The following PRLR variants were observed in gnomAD, a reference collection of about 807,000 sequenced individuals.
PRLR encodes the protein hPRL receptor.
In PRLR, 13 loss-of-function variants were observed where a neutral mutation model predicts 40.2. The ratio of observed to expected loss-of-function variants is 0.32; its 90% CI spans 0.21 to 0.51. The LOEUF is 0.51. Ranked by LOEUF, PRLR falls within the 20% of genes least tolerant of loss-of-function variation. The pLI, the probability that PRLR is intolerant of heterozygous loss-of-function variation, is 0.97. For synonymous variants in PRLR, 269 were observed against 278.7 expected, an observed-to-expected ratio of 0.97 and a Z score of 0.35; for missense variants, 656 against 747.3, an observed-to-expected ratio of 0.88 and a Z score of 1.42.
At chr5:35,207,967 A>G (rs544915694) in intron 1 of PRLR, among the ~76,000 whole-genome samples, 1 of 152,294 alleles carries the variant, frequency 6.6e-6, no homozygotes, top group East Asian at 1.9e-4. Flanking sequence ...CAATAAAACT[A>G]ATTAGATTAT....
chr5:35,131,866 T>C (rs1174606315), intron 1 of PRLR, among the ~76,000 whole-genome samples: 2 of 152,172 alleles, frequency 1.3e-5, no homozygotes, highest in African/African-American at 4.8e-5. Context: ...ACTGCTATGA[T>C]GTCTTGTTAT....
chr5:35,088,660 A>C (rs564943668), intron 3 of PRLR, among the ~76,000 whole-genome samples: 1 of 152,338 alleles, frequency 6.6e-6, no homozygotes, highest in Non-Finnish European at 1.5e-5. Context: ...ACAAGTTAAC[A>C]TTAATGGACT....
chr5:35,126,704 ATTGCTACCTT>A (rs1773481397), intron 1 of PRLR, among the ~76,000 whole-genome samples: 2 of 152,122 alleles, frequency 1.3e-5, no homozygotes, highest in Non-Finnish European at 2.9e-5. Flanking sequence ...GGAAATATCT[ATTGCTACCTT>A]TTGCTACCTT....
rs1768932977 is a variant in PRLR at position 35,059,948 on chromosome 5, T to G, written c.*5141A>C. The G allele has an allele frequency of 6.6e-6, 1 of 152,276 alleles. No individual in the cohort carries two copies. Among genetic ancestry groups the G allele is most frequent in the African/African-American group, 2.4e-5 (1 of 41,430 alleles). The allele number at this position is 152,276 out of a possible 1,614,324, so 9.4% of individuals were successfully genotyped here. On this transcript the variant is annotated 3_prime_UTR_variant, in exon 10 of 10. Coordinates refer to ENST00000618457, the MANE Select transcript of PRLR (RefSeq NM_000949.7). ...TCCTGGGCTCAAGCAATCCTCTGGC[T>G]TCACCTTCCCAAGTGTCTAGGACTA... is the stretch of plus-strand genomic sequence containing the variant.
At chr5:35,196,233 T>C (rs1018894095) in intron 1 of PRLR, among the ~76,000 whole-genome samples, 14 of 152,082 alleles carry the variant, frequency 9.2e-5, no homozygotes, top group African/African-American at 3.4e-4. Context: ...CTCAATCCTA[T>C]AGGCTGTGAA....
rs1228134325 is a variant in PRLR, at chr5:35,063,700, T to C, written c.*1389A>G. The C allele has an allele frequency of 6.6e-6, 1 of 152,244 alleles. No individual in the cohort carries two copies. Among genetic ancestry groups the C allele is most frequent in the Non-Finnish European group, 1.5e-5 (1 of 68,048 alleles). The allele number at this position is 152,244 out of a possible 1,614,324, so 9.4% of individuals were successfully genotyped here. A position where few individuals can be genotyped will look rare whatever the true frequency, so the allele number is the denominator to read the frequency against. On this transcript the variant is annotated 3_prime_UTR_variant, in exon 10 of 10. Transcript: ENST00000618457. ...CTAACTCCTGGCTTTGCTTAAAATT[T>C]TTTTGTGGCCCAAGATTTCTCACAA...
Position 35,191,048 on chromosome 5 carries a change from C to CTTTTT in PRLR, c.-106+39215_-106+39219dup, listed in dbSNP as rs869174221. On this transcript the variant is annotated intron_variant, in intron 1 of 9. Coordinates refer to ENST00000618457, the MANE Select transcript of PRLR (RefSeq NM_000949.7). ...ATCCAATTAACAGATGTGTTATTTTCTTTTTTTTTTTTTTTTTTTTTTTTT... is the reference window on the plus strand; with the variant it reads ...ATCCAATTAACAGATGTGTTATTTTCTTTTTTTTTTTTTTTTTTTTTTTTTTTTTT... Among the ~76,000 whole-genome samples, 71 of 68,164 alleles carry CTTTTT rather than the reference C, an allele frequency of 1.0e-3. 9 individuals carry two copies. The highest frequency in any genetic ancestry group is 3.6e-3 in the East Asian group (7 of 1,958). 44.7% of individuals were successfully genotyped at this position (68,164 alleles called of 152,430 possible). A position where few individuals can be genotyped will look rare whatever the true frequency, so the allele number is the denominator to read the frequency against.
intron 2 of PRLR, among the ~76,000 whole-genome samples, chr5:35,112,365 C>T (rs1023070700): frequency 3.9e-5 from 6 of 152,042 alleles, no homozygotes; most frequent in South Asian, 2.1e-4. Flanking sequence ...ATTAAAAAGG[C>T]GTTTAATAAA....
intron 1 of PRLR, among the ~76,000 whole-genome samples, chr5:35,177,812 C>T (rs930561637): frequency 4.6e-5 from 7 of 152,108 alleles, no homozygotes; most frequent in East Asian, 1.9e-4. Flanking sequence ...TTCAGTTTGG[C>T]GGATATATAG....
chr5:35,112,173 C>T (rs1247444476), intron 2 of PRLR, among the ~76,000 whole-genome samples: 1 of 152,208 alleles, frequency 6.6e-6, no homozygotes, highest in South Asian at 2.1e-4. Flanking sequence ...GCTTTTGATA[C>T]TCATGGCTTG....
At chr5:35,122,484 T>A (rs1393254372) in intron 1 of PRLR, among the ~76,000 whole-genome samples, 1 of 152,232 alleles carries the variant, frequency 6.6e-6, no homozygotes, top group Non-Finnish European at 1.5e-5. Context: ...CTCCCACTTA[T>A]AAGTGAGAAC....
chr5:35,089,335 G>C (rs1044402780), intron 3 of PRLR, among the ~76,000 whole-genome samples: 1 of 152,180 alleles, frequency 6.6e-6, no homozygotes, highest in Non-Finnish European at 1.5e-5. Context: ...CTGAAATGAG[G>C]ACAAAAGGCA....
chr5:35,205,081 G>A (rs1393273593), intron 1 of PRLR, among the ~76,000 whole-genome samples: 1 of 151,994 alleles, frequency 6.6e-6, no homozygotes, highest in East Asian at 1.9e-4. Context: ...CGGGAAACAT[G>A]TTATTTATTC....
intron 5 of PRLR, among the ~76,000 whole-genome samples, chr5:35,074,604 C>T (rs1184107511): frequency 3.3e-5 from 5 of 150,838 alleles, no homozygotes; most frequent in African/African-American, 1.2e-4. Flanking sequence ...TGAGAAGTAA[C>T]TGCTTAGTAG....
chr5:35,135,833 T>C (rs938677897), intron 1 of PRLR, among the ~76,000 whole-genome samples: 1 of 152,186 alleles, frequency 6.6e-6, no homozygotes, highest in Admixed American at 6.5e-5. Context: ...CTGGCCTTCC[T>C]CATCCCATGG....
chr5:35,077,708 T>C (rs368141078), intron 5 of PRLR, among the ~76,000 whole-genome samples: 2 of 152,136 alleles, frequency 1.3e-5, no homozygotes, highest in South Asian at 2.1e-4. Context: ...GCGGACCTAA[T>C]AGACATCTAC....
intron 1 of PRLR, among the ~76,000 whole-genome samples, chr5:35,227,711 C>A (rs185366472): frequency 6.6e-6 from 1 of 152,294 alleles, no homozygotes; most frequent in Non-Finnish European, 1.5e-5. Context: ...GGCACCAGGA[C>A]CCCATGGAGA....
chr5:35,074,121 CA>C (rs770998636), intron 5 of PRLR, among the ~76,000 whole-genome samples: 6 of 151,920 alleles, frequency 3.9e-5, no homozygotes, highest in Non-Finnish European at 7.4e-5. Flanking sequence ...TTATAATAGC[CA>C]AAAGTGAAGA....
intron 1 of PRLR, among the ~76,000 whole-genome samples, chr5:35,218,293 T>C (rs1204088003): frequency 6.6e-6 from 1 of 152,188 alleles, no homozygotes; most frequent in Non-Finnish European, 1.5e-5. Flanking sequence ...ATAAACAAAT[T>C]GATGATTTGA....
Sources: gnomAD v4.1 joint callset for allele counts (sites outside exome capture counted in the v4.1 genomes callset) on GRCh38, gnomAD v4.1.1 for gene constraint, MANE v1.5 for transcripts, NCBI Gene and HGNC (gene_info 2026-07-23, HGNC 2026-07-21) for gene names.